Variants in DPPA2 observed in about 807,000 individuals in gnomAD.
The protein encoded by DPPA2 is developmental pluripotency associated 2.
Under a neutral mutation model 36.2 loss-of-function variants are expected in DPPA2, and 26 were observed. The observed-to-expected ratio is 0.72, with a 90% CI of 0.53 to 1.00. The LOEUF is 1.00. Ranked by LOEUF, DPPA2 falls within the 50% of genes least tolerant of loss-of-function variation. The pLI, the probability that DPPA2 is intolerant of heterozygous loss-of-function variation, is 0.00. For missense variants in DPPA2, 361 were observed against 365.1 expected (o/e 0.99, Z 0.09); for synonymous variants, 113 against 123.2 (o/e 0.92, Z 0.55).
intron 7 of DPPA2, 51 bp from the exon 8 acceptor site, chr3:109,300,486 C>A (rs776180781): frequency 1.3e-6 from 2 of 1,538,802 alleles, no homozygotes; most frequent in South Asian, 1.1e-5. Flanking sequence ...GCAAGGTAAA[C>A]CATCCCTTAC....
intron 6 of DPPA2, among the ~76,000 whole-genome samples, chr3:109,306,721 T>C (rs1369425545): frequency 1.3e-5 from 2 of 151,264 alleles, no homozygotes; most frequent in Non-Finnish European, 1.5e-5. Context: ...ATCCCAGCAC[T>C]TTAGGAGGCC....
intron 7 of DPPA2, among the ~76,000 whole-genome samples, chr3:109,302,990 T>C (rs1015538214): frequency 6.6e-6 from 1 of 152,200 alleles, no homozygotes; most frequent in Non-Finnish European, 1.5e-5. Flanking sequence ...CAGGATAATG[T>C]AGACATAAAA....
chr3:109,306,761 T>C (rs1576820879), intron 6 of DPPA2, among the ~76,000 whole-genome samples: 1 of 150,920 alleles, frequency 6.6e-6, no homozygotes, highest in South Asian at 2.1e-4. Context: ...AGGTTGGGAG[T>C]TCGAGACCAG....
At chr3:109,299,278 C>T (rs9859508) in intron 8 of DPPA2, among the ~76,000 whole-genome samples, 3,649 of 151,782 alleles carry the variant, frequency 0.024, 152 homozygotes, top group African/African-American at 0.083. Context: ...TTTGGGAAAC[C>T]GAAGCGGGTG....
chr3:109,304,212 G>A (rs1576819039), intron 7 of DPPA2, among the ~76,000 whole-genome samples: 1 of 151,876 alleles, frequency 6.6e-6, no homozygotes, highest in African/African-American at 2.4e-5. Flanking sequence ...GGCAGAGGTT[G>A]CAGTGAGCTG....
At position 109,314,518 on chromosome 3, in the gene DPPA2, T is replaced by C; in HGVS notation, c.25A>G (p.Ser9Gly). The C allele has an allele frequency of 6.2e-7, 1 of 1,610,808 alleles. No homozygotes were observed. Among genetic ancestry groups the C allele is most frequent in the Non-Finnish European group, 8.5e-7 (1 of 1,177,720 alleles). Residue 9 changes from serine (S) to glycine (G), a missense_variant, in exon 2 of 9, where the codon AGC becomes GGC. Physicochemically the swap from Ser to Gly is moderately conservative, Grantham distance 56. Coordinates refer to ENST00000478945, the MANE Select transcript of DPPA2 (RefSeq NM_138815.4). ...ATTAGAATGAAACTTACCTTCTTGC[T>C]GCTATCCAAATTTGCATCTGACATT... Reference protein sequence around the residue: MSDANLDSSKKNFLEGEVD... With the variant: MSDANLDSGKKNFLEGEVD...
In DPPA2 at chr3:109,300,427, T is replaced by A. The variant is rs963029830; in HGVS notation, c.863A>T (p.Lys288Met). 1 of 1,614,038 alleles carries A rather than the reference T, an allele frequency of 6.2e-7. No individual in the cohort carries two copies. The highest frequency in any genetic ancestry group is 8.5e-7 in the Non-Finnish European group (1 of 1,179,910). ...TACTGTCATTAATCTTTTCATCATCTTCTTATTCCTGTAAGGCAAGTAGAA... is the reference window on the plus strand; with the variant it reads ...TACTGTCATTAATCTTTTCATCATCATCTTATTCCTGTAAGGCAAGTAGAA... The part of the protein sequence containing the change: ...LCPDCAKRNK[K>M]MMKRLMTVEK Residue 288 changes from lysine to methionine, a missense_variant, in exon 8 of 9, where the codon AAG becomes ATG. Lys to Met is a moderately conservative substitution (Grantham distance 95). Transcript: ENST00000478945.
intron 3 of DPPA2, 66 bp from the exon 4 acceptor site, chr3:109,309,396 A>C: frequency 6.3e-7 from 1 of 1,592,950 alleles, no homozygotes; most frequent in East Asian, 2.2e-5. Context: ...AAAATTTTAC[A>C]AAGATCTAGG....
chr3:109,314,412 G>A (rs1466081849), intron 2 of DPPA2, 98 bp downstream of exon 2: 1 of 1,269,698 alleles, frequency 7.9e-7, no homozygotes, highest in African/African-American at 1.5e-5. Flanking sequence ...CTTACATCCA[G>A]GAATGAAGAT....
chr3:109,299,709 AAAAG>A (rs1335213229), intron 8 of DPPA2, among the ~76,000 whole-genome samples: 1 of 150,850 alleles, frequency 6.6e-6, no homozygotes, highest in East Asian at 1.9e-4. Flanking sequence ...AAGAAAAAGA[AAAAG>A]AAAAAGAAAA....
intron 2 of DPPA2, 38 bp downstream of exon 2, chr3:109,314,472 G>A (rs778287240): frequency 6.9e-6 from 11 of 1,600,714 alleles, no homozygotes; most frequent in African/African-American, 4.0e-5. Context: ...TCTGAAAAGC[G>A]ACTGTGAGAA....
At chr3:109,297,963 T>C (rs1707382207) in intron 8 of DPPA2, among the ~76,000 whole-genome samples, 1 of 151,978 alleles carries the variant, frequency 6.6e-6, no homozygotes, top group African/African-American at 2.4e-5. Context: ...AAAATAAAAC[T>C]AGCTGGGTAC....
intron 6 of DPPA2, among the ~76,000 whole-genome samples, chr3:109,306,276 T>G (rs572132192): frequency 6.6e-6 from 1 of 152,200 alleles, no homozygotes; most frequent in African/African-American, 2.4e-5. Flanking sequence ...ATACAGCATA[T>G]TATTAAAAAT....
chr3:109,314,652 G>A, intron 1 of DPPA2, 97 bp from the exon 2 acceptor site: 1 of 1,198,124 alleles, frequency 8.3e-7, no homozygotes, highest in East Asian at 2.5e-5. Context: ...TCTACTTCCT[G>A]TTACCCAGAT....
intron 8 of DPPA2, among the ~76,000 whole-genome samples, chr3:109,297,836 C>T (rs1010070855): frequency 6.6e-6 from 1 of 152,048 alleles, no homozygotes; most frequent in African/African-American, 2.4e-5. Flanking sequence ...GCCAGGCACA[C>T]TGGCTTATGC....
At chr3:109,311,919 T>G (rs1707716761) in intron 3 of DPPA2, among the ~76,000 whole-genome samples, 1 of 152,174 alleles carries the variant, frequency 6.6e-6, no homozygotes, top group Non-Finnish European at 1.5e-5. Flanking sequence ...GAGGCAAATA[T>G]GTATTCATCT....
At chr3:109,296,639 C>T (rs576904695) in intron 8 of DPPA2, among the ~76,000 whole-genome samples, 4 of 150,780 alleles carry the variant, frequency 2.7e-5, no homozygotes, top group South Asian at 2.1e-4. Flanking sequence ...CGCGCCATTG[C>T]GCTCCAGCTG....
Position 109,300,394 on chromosome 3 carries a change from T to C in DPPA2, c.896A>G (p.Ter299TrpextTer5), listed in dbSNP as rs764845192. Reference sequence around the variant, plus strand: ...ACATTGTATTCAAACAGGTTGCTGCTACTTCTCTACTGTCATTAATCTTTT... The same window carrying C: ...ACATTGTATTCAAACAGGTTGCTGCCACTTCTCTACTGTCATTAATCTTTT... ...MMKRLMTVEK[*>W] The change falls in exon 8 of 9, where the codon TAG becomes TGG. Residue 299 changes from the stop codon to tryptophan (W), a stop_lost. Coordinates refer to ENST00000478945, the MANE Select transcript of DPPA2 (RefSeq NM_138815.4). 1 of 1,613,836 alleles carries C rather than the reference T, an allele frequency of 6.2e-7. No individual in the cohort carries two copies. The highest frequency in any genetic ancestry group is 8.5e-7 in the Non-Finnish European group (1 of 1,179,768).
chr3:109,304,519 G>A lies in DPPA2; in HGVS notation c.810C>T (p.Ser270=), dbSNP rs748417329. 18 of 1,613,984 alleles carry A rather than the reference G, an allele frequency of 1.1e-5. No homozygotes were observed. The highest frequency in any genetic ancestry group is 1.4e-5 in the Non-Finnish European group (17 of 1,180,002). ...ATAACATATTATCTTCTATGCCTGG[G>A]GATGGGAAAATGCAGGCAGGTAACA... ...LFLLPACIFP[S]PGIEDNMLCP... The change falls in exon 7 of 9, where the codon TCC becomes TCT. Residue 270 remains serine, a synonymous_variant. Transcript: ENST00000478945.
Sources: gnomAD v4.1 joint callset for allele counts (sites outside exome capture counted in the v4.1 genomes callset) on GRCh38, gnomAD v4.1.1 for gene constraint, MANE v1.5 for transcripts, NCBI Gene and HGNC (gene_info 2026-07-23, HGNC 2026-07-21) for gene names.